Variants in PTGES3L observed in about 807,000 individuals in gnomAD.
PTGES3L encodes the protein putative protein PTGES3L.
PTGES3L carries 17 observed loss-of-function variants against 25.0 expected under a neutral mutation model. The ratio of observed to expected loss-of-function variants is 0.68; its 90% CI spans 0.47 to 1.02. The LOEUF (loss-of-function observed/expected upper bound fraction) is 1.02, where lower values mean the gene tolerates loss of function less well. Among genes scored for constraint, PTGES3L ranks in the 50% least tolerant of loss-of-function variants. PTGES3L has a pLI of 0.00. For synonymous variants in PTGES3L, 59 were observed against 65.7 expected (o/e 0.90, Z 0.50); for missense variants, 202 against 197.5 (o/e 1.02, Z -0.14).
intron 6 of PTGES3L, among the ~76,000 whole-genome samples, chr17:42,970,082 G>A (rs1270269746): frequency 1.3e-5 from 2 of 152,040 alleles, no homozygotes; most frequent in Non-Finnish European, 2.9e-5. Context: ...AGCCAAGATC[G>A]GGCCACTGCA....
At chr17:42,979,139 A>G (rs760986152) in intron 4 of PTGES3L, 31 bp downstream of exon 4, 4 of 1,612,944 alleles carry the variant, frequency 2.5e-6, no homozygotes, top group Admixed American at 3.3e-5. Context: ...GTACATGGAG[A>G]GAAGAAGCAG....
intron 1 of PTGES3L, 39 bp from the exon 2 acceptor site, chr17:42,979,702 G>A (rs2151953729): frequency 6.2e-7 from 1 of 1,602,072 alleles, no homozygotes; most frequent in Non-Finnish European, 8.5e-7. Flanking sequence ...AGGGGTGGGA[G>A]AGGGAAGACT....
chr17:42,974,314 C>T (rs1445540657), intron 4 of PTGES3L, among the ~76,000 whole-genome samples: 3 of 149,092 alleles, frequency 2.0e-5, no homozygotes, highest in East Asian at 2.0e-4. Flanking sequence ...AAGCTGAGAT[C>T]GCGCCACTGC....
intron 4 of PTGES3L, among the ~76,000 whole-genome samples, chr17:42,975,008 CT>C (rs2049928987): frequency 6.6e-6 from 1 of 151,714 alleles, no homozygotes; most frequent in Non-Finnish European, 1.5e-5. Flanking sequence ...TGGTGGCACA[CT>C]TCTGTTGTTC....
At chr17:42,974,182 A>C (rs1018743973) in intron 4 of PTGES3L, among the ~76,000 whole-genome samples, 1 of 147,400 alleles carries the variant, frequency 6.8e-6, no homozygotes, top group Non-Finnish European at 1.5e-5. Context: ...CCAACATGGT[A>C]AAACCCCATC....
At chr17:42,972,276 T>C (rs546100210) in intron 4 of PTGES3L, 127 of 151,958 alleles carry the variant, frequency 8.4e-4, no homozygotes, top group Non-Finnish European at 1.4e-3. Context: ...AATTGTATCA[T>C]AAAGCAACAT....
chr17:42,972,496 C>G (rs1321334358), intron 4 of PTGES3L, among the ~76,000 whole-genome samples: 2 of 152,152 alleles, frequency 1.3e-5, no homozygotes, highest in Non-Finnish European at 2.9e-5. Flanking sequence ...CCACGCCTGA[C>G]TGGTTTTGGT....
chr17:42,976,394 T>TAATTTC (rs1322805064), intron 4 of PTGES3L, among the ~76,000 whole-genome samples: 2 of 152,214 alleles, frequency 1.3e-5, no homozygotes, highest in African/African-American at 4.8e-5. Flanking sequence ...TTTCTTTTTT[T>TAATTTC]TTGAGACGTT....
At chr17:42,979,860 C>A (rs1467798382) in intron 1 of PTGES3L, 186 bp downstream of exon 1, 5 of 1,443,248 alleles carry the variant, frequency 3.5e-6, no homozygotes, top group Non-Finnish European at 9.1e-7. Context: ...ATAGAACGTG[C>A]AAGACTAGGA....
intron 4 of PTGES3L, among the ~76,000 whole-genome samples, chr17:42,973,044 C>A (rs1326297977): frequency 7.0e-6 from 1 of 142,778 alleles, no homozygotes. Context: ...AGCGTCTCTG[C>A]CCGGCCGCCC....
Position 42,968,873 on chromosome 17 carries a change from G to A in PTGES3L, c.*275C>T. 1 of 419,426 alleles carries A rather than the reference G, an allele frequency of 2.4e-6. No homozygotes were observed. Among genetic ancestry groups the A allele is most frequent in the Non-Finnish European group, 4.3e-6 (1 of 233,836 alleles). The allele number at this position is 419,426 out of a possible 1,614,324, so 26.0% of individuals were successfully genotyped here. On this transcript the variant is annotated 3_prime_UTR_variant, in exon 7 of 7. Coordinates refer to ENST00000591916, the MANE Select transcript of PTGES3L (RefSeq NM_001261430.2). ...ACACACATACTCAAATAATCAAGTG[G>A]CCTAAACACAGAGATTAGAAACCAA...
intron 4 of PTGES3L, among the ~76,000 whole-genome samples, chr17:42,974,791 A>C (rs79093338): frequency 7.8e-6 from 1 of 128,252 alleles, no homozygotes; most frequent in Non-Finnish European, 1.7e-5. Flanking sequence ...AAAAAAAAAA[A>C]TTTATTGAAC....
chr17:42,974,211 T>C (rs1293755366), intron 4 of PTGES3L, among the ~76,000 whole-genome samples: 7 of 148,790 alleles, frequency 4.7e-5, no homozygotes, highest in Non-Finnish European at 9.0e-5. Flanking sequence ...AAATACAAAA[T>C]TAGCTGGGCA....
At chr17:42,977,176 A>G (rs2049969374) in intron 4 of PTGES3L, among the ~76,000 whole-genome samples, 1 of 152,192 alleles carries the variant, frequency 6.6e-6, no homozygotes, top group African/African-American at 2.4e-5. Flanking sequence ...CTGTAATCCC[A>G]GCACTTTGGG....
intron 4 of PTGES3L, among the ~76,000 whole-genome samples, chr17:42,978,100 A>AAAAAC (rs377110391): frequency 5.6e-5 from 8 of 142,356 alleles, no homozygotes; most frequent in South Asian, 2.2e-4. Flanking sequence ...AAAAAAAAAA[A>AAAAAC]CAGAAAGAAA....
intron 1 of PTGES3L, 94 bp from the exon 2 acceptor site, chr17:42,979,757 G>GT (rs2050040403): frequency 6.6e-7 from 1 of 1,508,856 alleles, no homozygotes; most frequent in Admixed American, 2.0e-5. Flanking sequence ...TGATGCCACA[G>GT]TTTTTTCAAA....
intron 4 of PTGES3L, among the ~76,000 whole-genome samples, chr17:42,977,380 C>CT (rs2049972471): frequency 6.9e-6 from 1 of 144,370 alleles, no homozygotes; most frequent in South Asian, 2.2e-4. Context: ...GAGCTGAGAT[C>CT]ACGCCACTGC....
At position 42,980,057 on chromosome 17, in the gene PTGES3L, G is replaced by C. The variant is rs747386189; in HGVS notation, c.-4C>G. 7 of 1,550,978 alleles carry C rather than the reference G, an allele frequency of 4.5e-6. No individual in the cohort carries two copies. Among genetic ancestry groups the C allele is most frequent in the Non-Finnish European group, 6.1e-6 (7 of 1,146,836 alleles). On this transcript the variant is annotated 5_prime_UTR_variant, in exon 1 of 7. Coordinates refer to ENST00000591916, the MANE Select transcript of PTGES3L (RefSeq NM_001261430.2). ...CCGGAAACACTCACCGTGCCATTGC[G>C]GCTCCCGCTCCAGGGTGGCATTTAG...
intron 5 of PTGES3L, among the ~76,000 whole-genome samples, chr17:42,970,724 C>T (rs752668527): frequency 6.6e-4 from 89 of 134,044 alleles, no homozygotes; most frequent in Non-Finnish European, 1.3e-3. Flanking sequence ...ACACAGAGGC[C>T]GGGTTTGGTG....
Sources: allele counts gnomAD v4.1 joint callset (sites outside exome capture counted in the v4.1 genomes callset), GRCh38; gene constraint gnomAD v4.1.1; transcripts MANE v1.5; gene names NCBI Gene and HGNC (gene_info 2026-07-23, HGNC 2026-07-21).